Variants in SHOX observed in about 807,000 individuals in gnomAD.
The protein encoded by SHOX is SHOX homeobox.
In SHOX, 12 loss-of-function variants were observed where a neutral mutation model predicts 29.6. The observed-to-expected ratio is 0.41, with a 90% CI of 0.26 to 0.66. The LOEUF (loss-of-function observed/expected upper bound fraction) is 0.66. Among genes scored for constraint, SHOX ranks in the 30% least tolerant of loss-of-function variants. The pLI, the probability that SHOX is intolerant of heterozygous loss-of-function variation, is 0.35. For synonymous variants in SHOX, 214 were observed against 200.6 expected (o/e 1.07, Z -0.57); for missense variants, 499 against 437.7 (o/e 1.14, Z -1.25).
At chrX:625,594 C>G (rs932505522) in intron 1 of SHOX, among the ~76,000 whole-genome samples, 2 of 150,510 alleles carry the variant, frequency 1.3e-5, no homozygotes, top group African/African-American at 2.5e-5. Context: ...CTCTCTTTCT[C>G]TCTCTCCTCT....
At chrX:653,622 TAA>T (rs34477233), downstream of SHOX, among the ~76,000 whole-genome samples, 6,165 of 148,544 alleles carry the variant, frequency 0.042, 161 homozygotes, top group African/African-American at 0.065. Context: ...TGACCACATT[TAA>T]AAAAAAAAAA....
intron 2 of SHOX, among the ~76,000 whole-genome samples, chrX:637,632 G>T (rs1482402185): frequency 6.6e-6 from 1 of 152,124 alleles, no homozygotes; most frequent in African/African-American, 2.4e-5. Flanking sequence ...GGGGGGAAAG[G>T]ATCCTATAGT....
intron 3 of SHOX, 25 bp from the exon 4 acceptor site, chrX:640,972 ACT>A: frequency 6.2e-7 from 1 of 1,613,670 alleles, no homozygotes; most frequent in South Asian, 1.1e-5. Flanking sequence ...GGACCACCAC[ACT>A]GACACCTGCT....
chrX:641,461 G>A (rs1159105593), intron 4 of SHOX, among the ~76,000 whole-genome samples: 6 of 152,108 alleles, frequency 3.9e-5, no homozygotes, highest in Non-Finnish European at 7.4e-5. Context: ...GGCCGAGGCA[G>A]GTGGATCACC....
exon 6 of SHOX, chrX:659,257 T>C (rs1164078951): frequency 6.6e-6 from 1 of 151,222 alleles, no homozygotes; most frequent in Non-Finnish European, 1.5e-5. Context: ...AGCTAATTTT[T>C]TTGATTTTTA....
At chrX:630,510 G>C (rs2052627983), upstream of SHOX, 1 of 354,866 alleles carries the variant, frequency 2.8e-6, no homozygotes, top group African/African-American at 2.1e-5. Flanking sequence ...GAGAACGCGG[G>C]TAACCTGTGT....
At chrX:634,248 C>T (rs1236544701) in intron 1 of SHOX, among the ~76,000 whole-genome samples, 1 of 152,184 alleles carries the variant, frequency 6.6e-6, no homozygotes, top group African/African-American at 2.4e-5. Context: ...TCCCGGGCGT[C>T]CCGCCGGGGA....
rs140791130 is a variant in SHOX, at chrX:633,879, C to T, written c.278-739C>T. Among the ~76,000 whole-genome samples, 1,012 of 152,308 alleles carry T rather than the reference C, an allele frequency of 6.6e-3. 5 individuals carry two copies. Among genetic ancestry groups the T allele is most frequent in the Non-Finnish European group, 8.8e-3 (598 of 68,026 alleles). On this transcript the variant is annotated intron_variant, in intron 1 of 4. Coordinates refer to ENST00000686671, the MANE Select transcript of SHOX (RefSeq NM_000451.4). Reference sequence around the variant, plus strand: ...GAAGAAAAGGTTTTTCACCTGGAAACGCTTGAGGGCTGAGTCTTCTGCCCT... The same window carrying T: ...GAAGAAAAGGTTTTTCACCTGGAAATGCTTGAGGGCTGAGTCTTCTGCCCT...
intron 2 of SHOX, among the ~76,000 whole-genome samples, chrX:636,737 A>ATT (rs762323913): frequency 0.55 from 5,000 of 9,116 alleles, 1,579 homozygotes; most frequent in African/African-American, 0.67. Flanking sequence ...ATATATATAT[A>ATT]AACATATATA....
chrX:633,349 G>A (rs1317538031), intron 1 of SHOX, among the ~76,000 whole-genome samples: 1 of 152,070 alleles, frequency 6.6e-6, no homozygotes, highest in Non-Finnish European at 1.5e-5. Context: ...AGGGAGAGCT[G>A]GGGTCGTCTC....
chrX:643,501 G>T (rs745375424), intron 4 of SHOX, among the ~76,000 whole-genome samples: 1 of 143,834 alleles, frequency 7.0e-6, no homozygotes, highest in African/African-American at 2.6e-5. Context: ...GGGACCTGGT[G>T]ACCTTGGAGA....
Position 649,925 on chromosome X carries a change from T to C in SHOX, c.*5289T>C, listed in dbSNP as rs1234349989. On this transcript the variant is annotated 3_prime_UTR_variant, in exon 5 of 5. Transcript: ENST00000686671. ...TATCCACTTTTCTCTCTCTTTTCTC[T>C]CTCTCTGACTGCGAAGCACCCACAG... 1 of 456,046 alleles carries C rather than the reference T, an allele frequency of 2.2e-6. No homozygotes were observed. The highest frequency in any genetic ancestry group is 2.3e-5 in the Admixed American group (1 of 42,576). 28.2% of individuals were successfully genotyped at this position (456,046 alleles called of 1,614,324 possible).
At chrX:651,641 GAAAAAA>G (rs553983413), downstream of SHOX, among the ~76,000 whole-genome samples, 3 of 107,560 alleles carry the variant, frequency 2.8e-5, no homozygotes, top group African/African-American at 1.1e-4. Context: ...AGGCTTATTG[GAAAAAA>G]AAAAAAAAAA....
chrX:624,580 T>C (rs2052466724), exon 1 of SHOX: 1 of 151,978 alleles, frequency 6.6e-6, no homozygotes, highest in Non-Finnish European at 1.5e-5. Context: ...CGGGGCGCGC[T>C]CGGGGCCTGC....
At chrX:626,429 G>T (rs1415915264), upstream of SHOX, among the ~76,000 whole-genome samples, 3 of 75,946 alleles carry the variant, frequency 4.0e-5, no homozygotes, top group Admixed American at 1.4e-4. Flanking sequence ...CTCTGTCTTC[G>T]TTCCTCTCTC....
At chrX:636,217 C>A in intron 2 of SHOX, among the ~76,000 whole-genome samples, 1 of 142,742 alleles carries the variant, frequency 7.0e-6, no homozygotes, top group South Asian at 2.2e-4. Flanking sequence ...AATATATAAA[C>A]ACATATATAA....
chrX:633,907 T>C (rs1291859027), intron 1 of SHOX, among the ~76,000 whole-genome samples: 1 of 152,220 alleles, frequency 6.6e-6, no homozygotes, highest in African/African-American at 2.4e-5. Flanking sequence ...TCTGCCCTTC[T>C]GACTCCCCCA....
At chrX:630,644 T>C, upstream of SHOX, 1 of 592,960 alleles carries the variant, frequency 1.7e-6, no homozygotes, top group Non-Finnish European at 3.0e-6. Context: ...AGAAAGCCAA[T>C]TGCCGGCCTG....
chrX:651,930 T>A (rs758971125), downstream of SHOX, among the ~76,000 whole-genome samples: 53 of 152,226 alleles, frequency 3.5e-4, no homozygotes, highest in African/African-American at 1.0e-3. Flanking sequence ...TAATTTATTT[T>A]TTTTTTTGAG....
Sources: gnomAD v4.1 joint callset for allele counts (sites outside exome capture counted in the v4.1 genomes callset) on GRCh38, gnomAD v4.1.1 for gene constraint, MANE v1.5 for transcripts, NCBI Gene and HGNC (gene_info 2026-07-23, HGNC 2026-07-21) for gene names.